Variants in SLC71A2 observed in about 807,000 individuals in gnomAD.
SLC71A2 encodes the protein solute carrier family 71 member 2.
chr9:94,441,514 C>T, the SLC71A2 span, among the ~76,000 whole-genome samples: 1 of 152,296 alleles, frequency 6.6e-6, no homozygotes, highest in African/African-American at 2.4e-5. Flanking sequence ...CAATCACCTC[C>T]CACCAGGCCC....
At chr9:94,429,113 T>A in the SLC71A2 span, 383 of 1,580,708 alleles carry the variant, frequency 2.4e-4, no homozygotes, top group Admixed American at 3.1e-4. Flanking sequence ...TTATGTAGCA[T>A]GCCATTAAAA....
the SLC71A2 span, among the ~76,000 whole-genome samples, chr9:94,382,397 G>T: frequency 7.6e-4 from 115 of 151,346 alleles, no homozygotes; most frequent in African/African-American, 2.2e-3. Context: ...CCTATTTTTT[G>T]TTGTTGTTGT....
At chr9:94,409,401 G>T in the SLC71A2 span, among the ~76,000 whole-genome samples, 1 of 148,664 alleles carries the variant, frequency 6.7e-6, no homozygotes, top group Non-Finnish European at 1.5e-5. Flanking sequence ...CAAGTGTTCT[G>T]CCCACCTTGA....
the SLC71A2 span, among the ~76,000 whole-genome samples, chr9:94,404,846 A>G: frequency 6.6e-6 from 1 of 152,052 alleles, no homozygotes; most frequent in South Asian, 2.1e-4. Context: ...ATTTTGATGA[A>G]GTTTGATTTT....
chr9:94,378,546 T>A, the SLC71A2 span, among the ~76,000 whole-genome samples: 1 of 151,922 alleles, frequency 6.6e-6, no homozygotes, highest in Non-Finnish European at 1.5e-5. Flanking sequence ...GAGAATTGTT[T>A]GAAACTGGGA....
chr9:94,399,931 G>A, the SLC71A2 span, among the ~76,000 whole-genome samples: 7 of 151,508 alleles, frequency 4.6e-5, no homozygotes, highest in Admixed American at 2.6e-4. Context: ...TCAGCCTCCC[G>A]AGTAGCTGGG....
chr9:94,455,156 C>CTTT, the SLC71A2 span, among the ~76,000 whole-genome samples: 67 of 27,688 alleles, frequency 2.4e-3, 3 homozygotes, highest in Admixed American at 3.7e-3. Flanking sequence ...TTGCTCTTTC[C>CTTT]TTTTTTTTTT....
At chr9:94,394,236 A>C in the SLC71A2 span, among the ~76,000 whole-genome samples, 1 of 112,952 alleles carries the variant, frequency 8.9e-6, no homozygotes, top group Non-Finnish European at 1.9e-5. Context: ...TCAACCATTT[A>C]ATACAGTGCT....
the SLC71A2 span, among the ~76,000 whole-genome samples, chr9:94,411,687 T>C: frequency 6.6e-6 from 1 of 151,692 alleles, no homozygotes; most frequent in African/African-American, 2.4e-5. Context: ...TCCTCCTAGG[T>C]TCAAGCCATT....
the SLC71A2 span, among the ~76,000 whole-genome samples, chr9:94,400,456 G>T: frequency 2.0e-5 from 3 of 148,794 alleles, no homozygotes; most frequent in East Asian, 6.2e-4. Flanking sequence ...TTTCTATGGG[G>T]AAATTGAGCC....
the SLC71A2 span, among the ~76,000 whole-genome samples, chr9:94,450,863 G>A: frequency 1.3e-5 from 2 of 152,072 alleles, no homozygotes; most frequent in Non-Finnish European, 2.9e-5. Context: ...ATACTGTTAC[G>A]GTCAGAGGCT....
the SLC71A2 span, among the ~76,000 whole-genome samples, chr9:94,454,803 T>C: frequency 6.6e-6 from 1 of 152,344 alleles, no homozygotes; most frequent in South Asian, 2.1e-4. Context: ...CATTTGAGTT[T>C]GAACACTAAA....
At chr9:94,396,135 T>C in the SLC71A2 span, among the ~76,000 whole-genome samples, 1 of 151,074 alleles carries the variant, frequency 6.6e-6, no homozygotes, top group South Asian at 2.1e-4. Flanking sequence ...TATCCGCAGC[T>C]GCTCAGATAA....
the SLC71A2 span, among the ~76,000 whole-genome samples, chr9:94,409,704 T>G: frequency 1.3e-5 from 2 of 152,114 alleles, no homozygotes; most frequent in Non-Finnish European, 2.9e-5. Flanking sequence ...ACTTTCCTTG[T>G]GATTTCTTTT....
At chr9:94,406,491 A>G in the SLC71A2 span, among the ~76,000 whole-genome samples, 5 of 152,264 alleles carry the variant, frequency 3.3e-5, no homozygotes, top group African/African-American at 4.8e-5. Context: ...TGCCTGCCCC[A>G]GCTTCCCAAA....
chr9:94,431,206 G>A, the SLC71A2 span, among the ~76,000 whole-genome samples: 57 of 151,982 alleles, frequency 3.8e-4, no homozygotes, highest in Non-Finnish European at 7.5e-4. Context: ...CCAGCTACTG[G>A]GGAGGCTGAG....
the SLC71A2 span, among the ~76,000 whole-genome samples, chr9:94,425,621 C>G: frequency 6.6e-6 from 1 of 152,062 alleles, no homozygotes; most frequent in East Asian, 1.9e-4. Flanking sequence ...GCAGGGTCTG[C>G]AAAATATCTC....
the SLC71A2 span, among the ~76,000 whole-genome samples, chr9:94,417,493 G>A: frequency 6.6e-6 from 1 of 152,082 alleles, no homozygotes; most frequent in African/African-American, 2.4e-5. Context: ...TGGGCGTGGT[G>A]GTGCACACCT....
At chr9:94,459,600 T>C in the SLC71A2 span, 1 of 575,228 alleles carries the variant, frequency 1.7e-6, no homozygotes, top group Non-Finnish European at 3.0e-6. Context: ...ACATTCTTTT[T>C]TTTTTTCCTG....
Sources: gnomAD v4.1 joint callset for allele counts (sites outside exome capture counted in the v4.1 genomes callset) on GRCh38, gnomAD v4.1.1 for gene constraint, MANE v1.5 for transcripts, NCBI Gene and HGNC (gene_info 2026-07-23, HGNC 2026-07-21) for gene names.